Variants in CCNB1IP1 observed in about 807,000 individuals in gnomAD.
CCNB1IP1 encodes the protein cyclin B1 interacting protein 1.
CCNB1IP1 carries 14 observed loss-of-function variants against 25.6 expected under a neutral mutation model. The observed-to-expected ratio is 0.55, with a 90% confidence interval of 0.36 to 0.85. CCNB1IP1 has a LOEUF of 0.85. Among genes scored for constraint, CCNB1IP1 ranks in the 40% least tolerant of loss-of-function variants. CCNB1IP1 has a pLI of 0.01. For synonymous variants in CCNB1IP1, 119 were observed against 116.1 expected (o/e 1.02, Z -0.16); for missense variants, 278 against 342.4 (o/e 0.81, Z 1.48).
chr14:20,321,928 G>A (rs1299267967), intron 4 of CCNB1IP1, among the ~76,000 whole-genome samples: 1 of 152,142 alleles, frequency 6.6e-6, no homozygotes, highest in African/African-American at 2.4e-5. Flanking sequence ...CATCATGGAT[G>A]TAAACACAGC....
At chr14:20,333,014 C>G (rs1293564062) in intron 1 of CCNB1IP1, 1 of 152,230 alleles carries the variant, frequency 6.6e-6, no homozygotes. Context: ...GTCTATTGTT[C>G]CTGGGTCACC....
Position 20,315,794 on chromosome 14 carries a change from G to T in CCNB1IP1, c.297+433C>A, listed in dbSNP as rs570644916. On this transcript the variant is annotated intron_variant, in intron 5 of 6. Transcript: ENST00000358932. Reference sequence around the variant, plus strand: ...AGATATTCATACCAAGTGAAGCACAGGCTACTCAGGAGGCTGAGGCGGGAG... The same window carrying T: ...AGATATTCATACCAAGTGAAGCACATGCTACTCAGGAGGCTGAGGCGGGAG... The T allele has an allele frequency of 1.6e-5, 20 of 1,264,726 alleles. No individual in the cohort carries two copies. The East Asian group carries it at 1.0e-3, about 64-fold the overall frequency. The allele number at this position is 1,264,726 out of a possible 1,614,324, so 78.3% of individuals were successfully genotyped here.
chr14:20,323,241 CCT>C (rs1350062592), intron 4 of CCNB1IP1: 10 of 152,010 alleles, frequency 6.6e-5, no homozygotes, highest in Non-Finnish European at 1.5e-4. Flanking sequence ...CTCATGGTGC[CCT>C]GAGTGAAGAT....
chr14:20,315,361 A>G (rs978591266), intron 5 of CCNB1IP1: 18 of 417,528 alleles, frequency 4.3e-5, no homozygotes, highest in African/African-American at 2.0e-4. Context: ...GCCACTTTGG[A>G]AGACAATTTG....
chr14:20,326,757 T>C lies in CCNB1IP1; in HGVS notation c.-194A>G, dbSNP rs113580720. The C allele has an allele frequency of 7.1e-4, 210 of 294,930 alleles. No individual in the cohort carries two copies. The highest frequency in any genetic ancestry group is 4.0e-3 in the African/African-American group (184 of 45,762). The allele number at this position is 294,930 out of a possible 1,614,324, so 18.3% of individuals were successfully genotyped here. On this transcript the variant is annotated 5_prime_UTR_variant, in exon 3 of 7. Coordinates refer to ENST00000358932, the MANE Select transcript of CCNB1IP1 (RefSeq NM_021178.5). ...ATCCAGCTTCTATCTAGAAATCCAG[T>C]TGAACCACAGGATCTATCAATTATC...
intron 4 of CCNB1IP1, among the ~76,000 whole-genome samples, chr14:20,324,931 T>C (rs1254276872): frequency 6.6e-6 from 1 of 152,068 alleles, no homozygotes; most frequent in African/African-American, 2.4e-5. Context: ...AGCCTCAGCC[T>C]CCTGAGTAGC....
rs756580044 is a variant in CCNB1IP1, at chr14:20,316,376, C to A, written c.148G>T (p.Ala50Ser). 18 of 1,613,852 alleles carry A rather than the reference C, an allele frequency of 1.1e-5. No homozygotes were observed. The highest frequency in any genetic ancestry group is 1.5e-5 in the Non-Finnish European group (18 of 1,179,884). Residue 50 changes from alanine (A) to serine (S), a missense_variant, in exon 5 of 7, where the codon GCC (alanine) becomes TCC (serine). Transcript: ENST00000358932. ...EFSRSPAICP[A>S]CNSTLSGKLD... ...TTTCCAGAAAGGGTACTGTTGCAGG[C>A]AGGACAGATAGCTGGTGAGCGACTA...
chr14:20,331,930 C>T (rs757505557), intron 1 of CCNB1IP1, among the ~76,000 whole-genome samples: 13 of 130,770 alleles, frequency 9.9e-5, no homozygotes, highest in Non-Finnish European at 1.2e-4. Flanking sequence ...GGATAAGAAA[C>T]TTTGATATCT....
chr14:20,312,692 A>G (rs1882539760), intron 6 of CCNB1IP1, among the ~76,000 whole-genome samples: 1 of 151,790 alleles, frequency 6.6e-6, no homozygotes, highest in African/African-American at 2.4e-5. Flanking sequence ...AGTATAAAGG[A>G]GAGAGCTCAG....
chr14:20,315,423 A>C (rs987984172), intron 5 of CCNB1IP1: 72 of 950,848 alleles, frequency 7.6e-5, no homozygotes, highest in Non-Finnish European at 9.2e-5. Flanking sequence ...CAGCAAAAAC[A>C]CTATTTGGTA....
chr14:20,331,956 A>T (rs1883246223), intron 1 of CCNB1IP1, among the ~76,000 whole-genome samples: 1 of 145,750 alleles, frequency 6.9e-6, no homozygotes, highest in Non-Finnish European at 1.5e-5. Context: ...ATTTTGAACC[A>T]TGTGAATGTA....
intron 1 of CCNB1IP1, among the ~76,000 whole-genome samples, chr14:20,330,161 G>A (rs1486370191): frequency 6.6e-6 from 1 of 150,636 alleles, no homozygotes; most frequent in Non-Finnish European, 1.5e-5. Context: ...GCTGGATGCT[G>A]CTGGGGGCCA....
intron 5 of CCNB1IP1, chr14:20,315,971 A>T (rs759770454): frequency 2.1e-6 from 1 of 472,582 alleles, no homozygotes. Flanking sequence ...GAAGAGAGAG[A>T]GAGTGTGTGA....
At position 20,332,026 on chromosome 14, in the gene CCNB1IP1, A is replaced by ATTTTTT. The variant is rs57345952; in HGVS notation, c.-431+1222_-431+1227dup. On this transcript the variant is annotated intron_variant, in intron 1 of 6. Coordinates refer to ENST00000358932, the MANE Select transcript of CCNB1IP1 (RefSeq NM_021178.5). ...TATACATATATATATATATATATAT[A>ATTTTTT]TTTTTTTTTTTTTTTTTTTTTTTTT... Among the ~76,000 whole-genome samples, 20 of 40,742 alleles carry ATTTTTT rather than the reference A, an allele frequency of 4.9e-4. 1 individual carries two copies. Among genetic ancestry groups the ATTTTTT allele is most frequent in the South Asian group, 3.0e-3 (2 of 662 alleles). The allele number at this position is 40,742 out of a possible 152,430, so 26.7% of individuals were successfully genotyped here.
At chr14:20,323,743 C>T (rs1226273771) in intron 4 of CCNB1IP1, among the ~76,000 whole-genome samples, 2 of 151,596 alleles carry the variant, frequency 1.3e-5, no homozygotes, top group Non-Finnish European at 2.9e-5. Context: ...GGTGAAACCC[C>T]GTCTCTACTA....
chr14:20,331,710 ATTT>A (rs1883238453), intron 1 of CCNB1IP1, among the ~76,000 whole-genome samples: 1 of 152,010 alleles, frequency 6.6e-6, no homozygotes, highest in African/African-American at 2.4e-5. Flanking sequence ...GAAAAAATAT[ATTT>A]TTTAAAAAAA....
chr14:20,319,560 T>C (rs1392433143), intron 4 of CCNB1IP1, among the ~76,000 whole-genome samples: 1 of 152,260 alleles, frequency 6.6e-6, no homozygotes, highest in Non-Finnish European at 1.5e-5. Flanking sequence ...CACTGCAATA[T>C]GATCACTTCC....
intron 3 of CCNB1IP1, chr14:20,326,480 T>TGATC (rs757619975): frequency 1.3e-5 from 7 of 534,652 alleles, no homozygotes; most frequent in Non-Finnish European, 2.3e-5. Flanking sequence ...TTAATCAGGC[T>TGATC]GATCAGCTGA....
At position 20,330,288 on chromosome 14, in the gene CCNB1IP1, G is replaced by A. The variant is rs560957449; in HGVS notation, c.-430-915C>T. Among the ~76,000 whole-genome samples the A allele has an allele frequency of 1.8e-3, 269 of 152,094 alleles. 2 individuals are homozygous for A. The highest frequency in any genetic ancestry group is 2.8e-3 in the Admixed American group (42 of 15,254). ...TCTTGCGTAGGGAGCTAAATACTGG[G>A]TTCACAGGAACAAAAAGTTGGGAAC... On this transcript the variant is annotated intron_variant, in intron 1 of 6. Coordinates refer to ENST00000358932, the MANE Select transcript of CCNB1IP1 (RefSeq NM_021178.5).
Sources: gnomAD v4.1 joint callset for allele counts (sites outside exome capture counted in the v4.1 genomes callset) on GRCh38, gnomAD v4.1.1 for gene constraint, MANE v1.5 for transcripts, NCBI Gene and HGNC (gene_info 2026-07-23, HGNC 2026-07-21) for gene names.